The following PLPPR5 variants were observed in gnomAD, a reference collection of about 807,000 sequenced individuals.
PLPPR5 encodes the protein phospholipid phosphatase related 5, also known as phospholipid phosphatase-related protein type 5.
Under a neutral mutation model 33.9 loss-of-function variants are expected in PLPPR5, and 16 were observed. That is an observed-to-expected ratio of 0.47 (90% CI 0.32 to 0.72). The LOEUF (loss-of-function observed/expected upper bound fraction) is 0.72, where lower values mean the gene tolerates loss of function less well. PLPPR5 is among the 30% of genes least tolerant of loss of function. PLPPR5 has a pLI of 0.03. For missense variants in PLPPR5, 301 were observed against 406.7 expected, an observed-to-expected ratio of 0.74 and a Z score of 2.23; for synonymous variants, 163 against 150.3, an observed-to-expected ratio of 1.08 and a Z score of -0.62.
At chr1:98,994,866 A>C (rs1652575687) in intron 1 of PLPPR5, among the ~76,000 whole-genome samples, 1 of 152,162 alleles carries the variant, frequency 6.6e-6, no homozygotes, top group South Asian at 2.1e-4. Flanking sequence ...AAAGATTTTC[A>C]AAAGAAGATA....
chr1:98,956,322 T>G (rs1263054077), intron 2 of PLPPR5, among the ~76,000 whole-genome samples: 3 of 152,176 alleles, frequency 2.0e-5, no homozygotes, highest in Non-Finnish European at 4.4e-5. Context: ...GAAGGTAGTA[T>G]GTAATGTTTA....
chr1:98,923,418 T>C (rs1018389111), intron 3 of PLPPR5, among the ~76,000 whole-genome samples: 2 of 152,204 alleles, frequency 1.3e-5, no homozygotes, highest in African/African-American at 4.8e-5. Flanking sequence ...CCTGGTTAAA[T>C]AAACAATACA....
intron 1 of PLPPR5, among the ~76,000 whole-genome samples, chr1:98,978,918 A>G (rs1651962426): frequency 6.6e-6 from 1 of 152,002 alleles, no homozygotes; most frequent in Admixed American, 6.6e-5. Flanking sequence ...TTCCTTCCCA[A>G]CCAAATCCAA....
intron 5 of PLPPR5, among the ~76,000 whole-genome samples, chr1:98,904,845 A>G (rs542825123): frequency 7.9e-4 from 121 of 152,320 alleles, no homozygotes; most frequent in African/African-American, 2.8e-3. Context: ...GGATCAGCAT[A>G]TACTATGGGT....
intron 5 of PLPPR5, among the ~76,000 whole-genome samples, chr1:98,899,183 A>G (rs920680202): frequency 1.3e-5 from 2 of 152,160 alleles, no homozygotes; most frequent in East Asian, 1.9e-4. Flanking sequence ...TGTAGAGCCA[A>G]TATTGAGAAC....
intron 3 of PLPPR5, among the ~76,000 whole-genome samples, chr1:98,928,980 A>G (rs997350445): frequency 2.0e-5 from 3 of 152,084 alleles, no homozygotes; most frequent in Non-Finnish European, 4.4e-5. Flanking sequence ...TTACTTCATC[A>G]AAGTTAACCA....
At chr1:98,938,855 C>T (rs919736784) in intron 3 of PLPPR5, among the ~76,000 whole-genome samples, 1 of 152,178 alleles carries the variant, frequency 6.6e-6, no homozygotes, top group African/African-American at 2.4e-5. Flanking sequence ...GGTCATTATC[C>T]TTAGCAAACT....
intron 1 of PLPPR5, among the ~76,000 whole-genome samples, chr1:98,981,626 A>G (rs994789169): frequency 2.0e-5 from 3 of 152,090 alleles, no homozygotes; most frequent in African/African-American, 7.2e-5. Flanking sequence ...ACTATCTAGA[A>G]CCCATTACAC....
At chr1:98,909,224 C>T (rs1649024536) in intron 5 of PLPPR5, among the ~76,000 whole-genome samples, 1 of 124,322 alleles carries the variant, frequency 8.0e-6, no homozygotes, top group African/African-American at 3.1e-5. Context: ...CCCTCCCCTC[C>T]CTTCCCTTCC....
chr1:99,004,357 C>T, intron 1 of PLPPR5, 78 bp downstream of exon 1: 1 of 1,288,188 alleles, frequency 7.8e-7, no homozygotes. Context: ...GCGCCCCAAC[C>T]CTTAGAGGGG....
Position 99,004,462 on chromosome 1 carries a change from C to G in PLPPR5, c.210G>C (p.Ser70=), listed in dbSNP as rs1350310858. ...CGAGCACGGGGACCCCGGCGGCCAG[C>G]GAGTAGAGGAGCACGGGGGGCACGG... ...SSAVPPVLLY[S]LAAGVPVLVI... The change falls in exon 1 of 6, where the codon TCG becomes TCC. Residue 70 remains serine, a synonymous_variant. Transcript: ENST00000263177. 3.1e-6 allele frequency: 5 copies of G among 1,606,946 alleles called. No individual in the cohort carries two copies. The highest frequency in any genetic ancestry group is 4.2e-6 in the Non-Finnish European group (5 of 1,176,618).
chr1:98,971,410 A>C (rs1651654806), intron 1 of PLPPR5, among the ~76,000 whole-genome samples: 1 of 152,046 alleles, frequency 6.6e-6, no homozygotes, highest in Non-Finnish European at 1.5e-5. Context: ...AGGAAAAAAA[A>C]AAGTATGACT....
At chr1:98,976,303 CTAA>C (rs1268942112) in intron 1 of PLPPR5, among the ~76,000 whole-genome samples, 2 of 151,928 alleles carry the variant, frequency 1.3e-5, no homozygotes, top group Non-Finnish European at 1.5e-5. Flanking sequence ...CAAAAATGTT[CTAA>C]TATTTTCACA....
Position 98,957,339 on chromosome 1 carries a change from TAATA to T in PLPPR5, c.238-602_238-599del, listed in dbSNP as rs57682466. 1.8e-3 allele frequency among the ~76,000 whole-genome samples: 264 copies of T among 149,560 alleles called. 3 individuals carry two copies. The highest frequency in any genetic ancestry group is 6.1e-3 in the African/African-American group (250 of 40,806). On this transcript the variant is annotated intron_variant, in intron 1 of 5. Coordinates refer to ENST00000263177, the MANE Select transcript of PLPPR5 (RefSeq NM_001037317.2). ...TGCCCTAAAACTTAAAGTATAATAA[TAATA>T]AATAAATAAATAAAAAGAAAAATTA...
intron 5 of PLPPR5, among the ~76,000 whole-genome samples, chr1:98,905,516 A>G (rs1340431584): frequency 6.6e-6 from 1 of 152,176 alleles, no homozygotes; most frequent in South Asian, 2.1e-4. Flanking sequence ...TGAAGCAGTG[A>G]TAATGAGTCC....
At chr1:98,936,359 TGTGCA>T (rs1384399242) in intron 3 of PLPPR5, among the ~76,000 whole-genome samples, 2 of 152,204 alleles carry the variant, frequency 1.3e-5, no homozygotes, top group Non-Finnish European at 2.9e-5. Flanking sequence ...GGTCCTGTGC[TGTGCA>T]GATGCTGACA....
chr1:99,003,307 T>C (rs1332485877), intron 1 of PLPPR5, among the ~76,000 whole-genome samples: 4 of 151,550 alleles, frequency 2.6e-5, no homozygotes, highest in African/African-American at 9.7e-5. Flanking sequence ...AAAAAAAAGA[T>C]GAACATCCAA....
chr1:98,975,373 C>A (rs1219243625), intron 1 of PLPPR5, among the ~76,000 whole-genome samples: 2 of 152,056 alleles, frequency 1.3e-5, no homozygotes, highest in African/African-American at 4.8e-5. Flanking sequence ...TTGCATTGTT[C>A]TCTTCCATTG....
chr1:98,936,993 C>A (rs1455058002), intron 3 of PLPPR5, among the ~76,000 whole-genome samples: 1 of 152,148 alleles, frequency 6.6e-6, no homozygotes, highest in Non-Finnish European at 1.5e-5. Flanking sequence ...CAGTCTGTAG[C>A]CTCAGAGATG....
Sources: allele counts gnomAD v4.1 joint callset (sites outside exome capture counted in the v4.1 genomes callset), GRCh38; gene constraint gnomAD v4.1.1; transcripts MANE v1.5; gene names NCBI Gene and HGNC (gene_info 2026-07-23, HGNC 2026-07-21).